SMOC2: variants seen among roughly 807,000 people sequenced by gnomAD.
SMOC2 encodes SPARC related modular calcium binding 2, also known as SPARC-related modular calcium-binding protein 2.
A neutral mutation model predicts 61.4 loss-of-function variants in SMOC2; 39 were observed. The ratio of observed to expected loss-of-function variants is 0.64; its 90% CI spans 0.49 to 0.83. The LOEUF (loss-of-function observed/expected upper bound fraction) is 0.83. SMOC2 is among the 40% of genes least tolerant of loss of function. The pLI is 0.00. For missense variants in SMOC2, 556 were observed against 592.9 expected (o/e 0.94, Z 0.65); for synonymous variants, 247 against 239.9 (o/e 1.03, Z -0.27).
In SMOC2 at chr6:168,580,000, G is replaced by T. The variant is rs189946940; in HGVS notation, c.638-18818G>T. Among the ~76,000 whole-genome samples the T allele has an allele frequency of 4.0e-3, 610 of 152,270 alleles. 5 individuals carry two copies. The highest frequency in any genetic ancestry group is 0.014 in the African/African-American group (574 of 41,554). The stretch of plus-strand genomic sequence containing the variant: ...GGGAGGATACAGAGAGAGGTAGGAG[G>T]TTAGTGTGGGAGGCAAATGGGACTT... On this transcript the variant is annotated intron_variant, in intron 7 of 12. Coordinates refer to ENST00000356284, the MANE Select transcript of SMOC2 (RefSeq NM_001166412.2).
intron 1 of SMOC2, among the ~76,000 whole-genome samples, chr6:168,468,444 C>T (rs9346715): frequency 0.041 from 6,235 of 152,308 alleles, 278 homozygotes; most frequent in East Asian, 0.14. Context: ...CTCCTGCCAC[C>T]ACCTTCCCCC....
chr6:168,503,981 G>T (rs369822426), intron 1 of SMOC2, among the ~76,000 whole-genome samples: 2 of 152,112 alleles, frequency 1.3e-5, no homozygotes, highest in East Asian at 1.9e-4. Context: ...TTGAACCCCG[G>T]TCTCCTCAGG....
chr6:168,600,426 A>C (rs796381764), intron 8 of SMOC2, among the ~76,000 whole-genome samples: 2,357 of 55,058 alleles, frequency 0.043, 123 homozygotes, highest in African/African-American at 0.13. Flanking sequence ...AAAAAACAAA[A>C]AAAAAAACAA....
intron 9 of SMOC2, among the ~76,000 whole-genome samples, chr6:168,615,037 TCA>T (rs1206862521): frequency 8.2e-5 from 7 of 85,222 alleles, no homozygotes; most frequent in Admixed American, 1.3e-4. Flanking sequence ...CAGGGCCTCT[TCA>T]CATCTACAGC....
chr6:168,611,041 C>T (rs1459316150), intron 9 of SMOC2, among the ~76,000 whole-genome samples: 1 of 152,232 alleles, frequency 6.6e-6, no homozygotes, highest in African/African-American at 2.4e-5. Context: ...TCTCTGATCA[C>T]ACTCTGGTTG....
chr6:168,596,753 T>C (rs1209046262), intron 7 of SMOC2, among the ~76,000 whole-genome samples: 1 of 152,262 alleles, frequency 6.6e-6, no homozygotes, highest in Non-Finnish European at 1.5e-5. Context: ...CATCGTCCTT[T>C]TTATTTGTTA....
intron 11 of SMOC2, among the ~76,000 whole-genome samples, chr6:168,659,652 G>T (rs75482163): frequency 3.2e-5 from 2 of 61,568 alleles, no homozygotes; most frequent in African/African-American, 5.3e-5. Flanking sequence ...TTGGGTGAGG[G>T]TGGAGGTTGT....
At position 168,587,638 on chromosome 6, in the gene SMOC2, G is replaced by A. The variant is rs565918037; in HGVS notation, c.638-11180G>A. ...GTCTGGCTCAGTGAAGCAATAGGGT[G>A]GAGGAAGCCATCAGATCTGCACCTG... On this transcript the variant is annotated intron_variant, in intron 7 of 12. Coordinates refer to ENST00000356284, the MANE Select transcript of SMOC2 (RefSeq NM_001166412.2). 9.3e-4 allele frequency among the ~76,000 whole-genome samples: 141 copies of A among 152,342 alleles called. 1 individual carries two copies. Among genetic ancestry groups the A allele is most frequent in the Non-Finnish European group, 5.9e-4 (40 of 68,038 alleles).
In SMOC2 at chr6:168,652,218, A is replaced by G. The variant is rs150085126; in HGVS notation, c.1011-736A>G. On this transcript the variant is annotated intron_variant, in intron 10 of 12. Transcript: ENST00000356284. ...CAAACTAAACTAAATGCAAACTAAA[A>G]TTGATGGCAGTAAATGGATTGTTAT... Among the ~76,000 whole-genome samples, 479 of 152,286 alleles carry G rather than the reference A, an allele frequency of 3.1e-3. 1 individual carries two copies. The highest frequency in any genetic ancestry group is 0.014 in the Middle Eastern group (4 of 294).
intron 7 of SMOC2, 100 bp from the exon 8 acceptor site, chr6:168,598,718 C>A: frequency 7.3e-7 from 1 of 1,373,394 alleles, no homozygotes; most frequent in Non-Finnish European, 1.0e-6. Flanking sequence ...TGAAGGAGGA[C>A]CACATCGTTC....
intron 2 of SMOC2, among the ~76,000 whole-genome samples, chr6:168,520,398 G>C (rs1783301216): frequency 6.6e-6 from 1 of 152,184 alleles, no homozygotes; most frequent in Non-Finnish European, 1.5e-5. Context: ...TGTGTCCTCT[G>C]CCTGGCTGCC....
At chr6:168,619,644 A>G (rs1786195458) in intron 9 of SMOC2, among the ~76,000 whole-genome samples, 2 of 152,302 alleles carry the variant, frequency 1.3e-5, no homozygotes, top group Admixed American at 6.5e-5. Context: ...ACCATAATCA[A>G]ATTAAAACCT....
chr6:168,513,026 GTCCA>G (rs1386707414), intron 2 of SMOC2, among the ~76,000 whole-genome samples: 1 of 3,728 alleles, frequency 2.7e-4, no homozygotes, highest in East Asian at 0.1. Flanking sequence ...TCTATAAAAT[GTCCA>G]TAAAAGTAAA....
intron 1 of SMOC2, among the ~76,000 whole-genome samples, chr6:168,461,928 A>G (rs990364410): frequency 6.6e-6 from 1 of 152,236 alleles, no homozygotes; most frequent in Non-Finnish European, 1.5e-5. Flanking sequence ...TCACGTGGCA[A>G]TGGGATGATG....
At chr6:168,625,678 C>G (rs960462872) in intron 9 of SMOC2, among the ~76,000 whole-genome samples, 1 of 152,210 alleles carries the variant, frequency 6.6e-6, no homozygotes, top group Non-Finnish European at 1.5e-5. Flanking sequence ...AGGGCGTATA[C>G]ACAGCCAAGC....
At chr6:168,454,742 G>A (rs1299252833) in intron 1 of SMOC2, among the ~76,000 whole-genome samples, 9 of 152,240 alleles carry the variant, frequency 5.9e-5, no homozygotes, top group Non-Finnish European at 4.4e-5. Context: ...CACTCCGGGT[G>A]TGTCTTGATT....
chr6:168,497,643 G>A (rs979549439), intron 1 of SMOC2, among the ~76,000 whole-genome samples: 4 of 152,124 alleles, frequency 2.6e-5, no homozygotes, highest in Non-Finnish European at 5.9e-5. Flanking sequence ...GACATTCATG[G>A]GACCAATCCC....
intron 7 of SMOC2, among the ~76,000 whole-genome samples, chr6:168,590,713 A>G (rs1216891866): frequency 6.6e-6 from 1 of 152,236 alleles, no homozygotes; most frequent in African/African-American, 2.4e-5. Flanking sequence ...AGGCGTCGTC[A>G]TACTGAATCA....
At chr6:168,565,817 C>T (rs1583115164) in intron 7 of SMOC2, among the ~76,000 whole-genome samples, 1 of 152,222 alleles carries the variant, frequency 6.6e-6, no homozygotes, top group East Asian at 1.9e-4. Flanking sequence ...AACGGCTTTA[C>T]AATAGGAATG....
Sources: gnomAD v4.1 joint callset for allele counts (sites outside exome capture counted in the v4.1 genomes callset) on GRCh38, gnomAD v4.1.1 for gene constraint, MANE v1.5 for transcripts, NCBI Gene and HGNC (gene_info 2026-07-23, HGNC 2026-07-21) for gene names.